Variants in UIMC1 observed in about 807,000 individuals in gnomAD.
The protein encoded by UIMC1 is BRCA1-A complex subunit RAP80.
In UIMC1, 42 loss-of-function variants were observed where a neutral mutation model predicts 84.9. The observed-to-expected ratio is 0.49, with a 90% confidence interval of 0.39 to 0.64. The LOEUF is 0.64. UIMC1 is among the 30% of genes least tolerant of loss of function. The pLI, the probability that UIMC1 is intolerant of heterozygous loss-of-function variation, is 0.00. For missense variants in UIMC1, 825 were observed against 847.6 expected (o/e 0.97, Z 0.33); for synonymous variants, 281 against 293.0 (o/e 0.96, Z 0.42).
At chr5:176,954,711 G>A (rs952238673) in intron 8 of UIMC1, among the ~76,000 whole-genome samples, 1 of 149,102 alleles carries the variant, frequency 6.7e-6, no homozygotes, top group Non-Finnish European at 1.5e-5. Context: ...AGCCATGACT[G>A]CGCCACTGCA....
intron 1 of UIMC1, among the ~76,000 whole-genome samples, chr5:176,983,277 C>T (rs1165113144): frequency 2.0e-5 from 3 of 151,942 alleles, no homozygotes; most frequent in African/African-American, 7.3e-5. Context: ...TTCAGTCTCC[C>T]TCTGTTGCTG....
At chr5:176,922,037 T>C (rs1761774055) in intron 10 of UIMC1, among the ~76,000 whole-genome samples, 1 of 152,194 alleles carries the variant, frequency 6.6e-6, no homozygotes, top group Admixed American at 6.5e-5. Flanking sequence ...ATTTATTCCC[T>C]GACCTAGAAT....
At chr5:176,993,563 G>A (rs532645298) in intron 1 of UIMC1, among the ~76,000 whole-genome samples, 33 of 152,064 alleles carry the variant, frequency 2.2e-4, no homozygotes, top group South Asian at 1.5e-3. Context: ...AAACCTGTAC[G>A]TTCTGCACAT....
chr5:177,009,412 A>G (rs1198077865), upstream of UIMC1, among the ~76,000 whole-genome samples: 4 of 151,960 alleles, frequency 2.6e-5, no homozygotes, highest in Non-Finnish European at 5.9e-5. The surrounding 1 kb of genome is among the most constrained non-coding windows in gnomAD (Gnocchi z 4.3). Context: ...TAGCAGAGTT[A>G]GGACCCTAAT....
chr5:176,913,240 G>A (rs1760498756), intron 10 of UIMC1, among the ~76,000 whole-genome samples: 1 of 152,048 alleles, frequency 6.6e-6, no homozygotes, highest in African/African-American at 2.4e-5. Context: ...ACAAATCTTC[G>A]AGTGCCTAGG....
chr5:177,004,862 A>T (rs1425928518), intron 1 of UIMC1, among the ~76,000 whole-genome samples: 1 of 152,126 alleles, frequency 6.6e-6, no homozygotes, highest in Non-Finnish European at 1.5e-5. Flanking sequence ...CTTAAGAACA[A>T]TCCTTTATAA....
chr5:176,987,904 T>A (rs1185541999), intron 1 of UIMC1, among the ~76,000 whole-genome samples: 1 of 151,450 alleles, frequency 6.6e-6, no homozygotes, highest in Non-Finnish European at 1.5e-5. Context: ...CCAAGACTGG[T>A]GGATCACTTA....
At chr5:176,978,696 G>T (rs1770540109) in intron 2 of UIMC1, among the ~76,000 whole-genome samples, 1 of 151,986 alleles carries the variant, frequency 6.6e-6, no homozygotes, top group African/African-American at 2.4e-5. Context: ...TTTCAGAAAT[G>T]CAAAGATGTT....
In UIMC1 at chr5:176,963,383, TG is replaced by T. The variant is rs543090597; in HGVS notation, c.1200+5171del. Among the ~76,000 whole-genome samples the T allele has an allele frequency of 1.4e-4, 21 of 152,000 alleles. 1 individual carries two copies. The South Asian group carries it at 4.4e-3, about 32-fold the overall frequency. On this transcript the variant is annotated intron_variant, in intron 6 of 14. Coordinates refer to ENST00000511320, the MANE Select transcript of UIMC1 (RefSeq NM_001199298.2). The stretch of plus-strand genomic sequence containing the variant: ...AAAAAATACAAAAATTAGCCAGGCA[TG>T]GTGGTGCATGCCTGTGACCCCAGCT...
rs776707735 is a variant in UIMC1 at position 176,905,348 on chromosome 5, T to G, written c.2094A>C (p.Gln698His). 2 of 1,614,044 alleles carry G rather than the reference T, an allele frequency of 1.2e-6. No homozygotes were observed. The highest frequency in any genetic ancestry group is 1.7e-6 in the Non-Finnish European group (2 of 1,180,006). ...TCCGACTACCTGGCTGGACAGTAAC[T>G]TGCTTTTTAAAGTCCACTAAGCAAT... ...ATDCLVDFKK[Q>H]VTVQPGSRTR... Residue 698 changes from glutamine to histidine, a missense_variant, in exon 15 of 15, where the codon CAA (glutamine) becomes CAC (histidine). By Grantham distance (24) the Gln-to-His change is conservative. Transcript: ENST00000511320.
At chr5:176,981,433 C>T (rs1354154455) in intron 2 of UIMC1, among the ~76,000 whole-genome samples, 3 of 152,064 alleles carry the variant, frequency 2.0e-5, no homozygotes, top group East Asian at 1.9e-4. Context: ...TGTGAGCTGC[C>T]GTGCCCGGCC....
At chr5:176,974,809 G>A (rs987043221) in intron 3 of UIMC1, among the ~76,000 whole-genome samples, 2 of 151,134 alleles carry the variant, frequency 1.3e-5, no homozygotes, top group African/African-American at 2.4e-5. Context: ...ACGATGCTCC[G>A]TCTCAAAAAA....
intron 6 of UIMC1, among the ~76,000 whole-genome samples, chr5:176,965,365 T>C (rs752767034): frequency 6.7e-6 from 1 of 150,290 alleles, no homozygotes; most frequent in Non-Finnish European, 1.5e-5. Context: ...GAGCTTACAG[T>C]GAGCCAAGAC....
intron 9 of UIMC1, among the ~76,000 whole-genome samples, chr5:176,950,391 C>A (rs1765715813): frequency 6.6e-6 from 1 of 151,126 alleles, no homozygotes; most frequent in Non-Finnish European, 1.5e-5. Flanking sequence ...AGCCACTGCG[C>A]CCGGCCAAAA....
At chr5:176,942,586 A>AAAAT (rs1764565233) in intron 10 of UIMC1, among the ~76,000 whole-genome samples, 1 of 151,612 alleles carries the variant, frequency 6.6e-6, no homozygotes, top group East Asian at 1.9e-4. Flanking sequence ...ACTAAAAAAA[A>AAAAT]AATACAAAAA....
chr5:176,943,244 C>A, intron 10 of UIMC1, 91 bp downstream of exon 10: 1 of 1,428,256 alleles, frequency 7.0e-7, no homozygotes, highest in Non-Finnish European at 9.3e-7. Context: ...CTTTGAAGAA[C>A]AGCTATGTTT....
At position 176,991,324 on chromosome 5, in the gene UIMC1, C is replaced by T. The variant is rs559163670; in HGVS notation, c.-8-8701G>A. ...AAGCCCGGCCTCAGTTTTAATTCAC[C>T]TTACTCTACCTTTTTAGATTCAGGT... On this transcript the variant is annotated intron_variant, in intron 1 of 14. Coordinates refer to ENST00000511320, the MANE Select transcript of UIMC1 (RefSeq NM_001199298.2). Among the ~76,000 whole-genome samples the T allele has an allele frequency of 2.5e-3, 380 of 151,952 alleles. 3 individuals carry two copies. Among genetic ancestry groups the T allele is most frequent in the African/African-American group, 8.5e-3 (351 of 41,458 alleles).
Position 177,006,747 on chromosome 5 carries a change from G to C in UIMC1, c.-106C>G, listed in dbSNP as rs1445439595. Reference sequence around the variant, plus strand: ...CGGGGGGAGGGGGAGGGGCGCGCGCGTCCGATGCCAGAGACACGCTCTCGG... The same window carrying C: ...CGGGGGGAGGGGGAGGGGCGCGCGCCTCCGATGCCAGAGACACGCTCTCGG... On this transcript the variant is annotated 5_prime_UTR_variant, in exon 1 of 15. Transcript: ENST00000511320. 1 of 152,226 alleles carries C rather than the reference G, an allele frequency of 6.6e-6. No individual in the cohort carries two copies. The highest frequency in any genetic ancestry group is 2.4e-5 in the African/African-American group (1 of 41,464). The allele number at this position is 152,226 out of a possible 1,614,324, so 9.4% of individuals were successfully genotyped here.
intron 1 of UIMC1, among the ~76,000 whole-genome samples, chr5:176,998,783 A>G (rs774459735): frequency 1.3e-5 from 2 of 152,130 alleles, no homozygotes; most frequent in Non-Finnish European, 2.9e-5. Flanking sequence ...AAACAAAAAC[A>G]AAACAAAACA....
Sources: allele counts gnomAD v4.1 joint callset (sites outside exome capture counted in the v4.1 genomes callset), GRCh38; gene constraint gnomAD v4.1.1; non-coding constraint Gnocchi (gnomAD v3.1); transcripts MANE v1.5; gene names NCBI Gene and HGNC (gene_info 2026-07-23, HGNC 2026-07-21).